The following CTNNA3 variants were observed in gnomAD, a reference collection of about 807,000 sequenced individuals.
CTNNA3 encodes the protein catenin alpha 3.
CTNNA3 carries 76 observed loss-of-function variants against 95.7 expected under a neutral mutation model. That is an observed-to-expected ratio of 0.79 (90% CI 0.66 to 0.96). The LOEUF (loss-of-function observed/expected upper bound fraction) is 0.96, where lower values mean the gene tolerates loss of function less well. Among genes scored for constraint, CTNNA3 ranks in the 40% least tolerant of loss-of-function variants. The pLI is 0.00. For missense variants in CTNNA3, 1,191 were observed against 1,089.8 expected (o/e 1.09, Z -1.31); for synonymous variants, 431 against 374.4 (o/e 1.15, Z -1.74).
intron 5 of CTNNA3, among the ~76,000 whole-genome samples, chr10:67,486,083 A>T (rs763656644): frequency 2.2e-4 from 33 of 152,234 alleles, no homozygotes; most frequent in Middle Eastern, 3.2e-3. Context: ...AGATGTTACA[A>T]CTTAAGCTAT....
chr10:67,645,669 C>A (rs951826192), intron 2 of CTNNA3, among the ~76,000 whole-genome samples: 3 of 151,514 alleles, frequency 2.0e-5, no homozygotes, highest in African/African-American at 7.3e-5. Context: ...TGAAATAATA[C>A]AAATTGATGA....
chr10:66,360,370 A>T (rs1235234569), intron 12 of CTNNA3, among the ~76,000 whole-genome samples: 1 of 152,134 alleles, frequency 6.6e-6, no homozygotes, highest in Non-Finnish European at 1.5e-5. Context: ...AGGAAAGGCA[A>T]TGGCTTAAAG....
chr10:67,620,813 C>T (rs1291096476), intron 2 of CTNNA3, among the ~76,000 whole-genome samples: 1 of 151,552 alleles, frequency 6.6e-6, no homozygotes, highest in East Asian at 1.9e-4. Flanking sequence ...AAAGAAAAAA[C>T]TCATCTGAAA....
chr10:66,856,055 A>G (rs759411681), intron 7 of CTNNA3, among the ~76,000 whole-genome samples: 1 of 151,874 alleles, frequency 6.6e-6, no homozygotes, highest in Non-Finnish European at 1.5e-5. Flanking sequence ...AGTACCAGAT[A>G]GGTAGGTTCT....
chr10:66,213,036 C>G (rs1276093569), intron 13 of CTNNA3, among the ~76,000 whole-genome samples: 1 of 152,078 alleles, frequency 6.6e-6, no homozygotes, highest in African/African-American at 2.4e-5. Flanking sequence ...AAAGAAATGT[C>G]CTTTTTGCCC....
chr10:67,180,364 C>A lies in CTNNA3; in HGVS notation c.1000G>T (p.Ala334Ser). ...HRERIIAECNAIRQALQDLLS... is the reference protein window; with the variant it reads ...HRERIIAECNSIRQALQDLLS... ...AGATCCTGAAGAGCCTGGCGAATGG[C>A]GTTGCATTCTGCGATAATCCGCTCT... Residue 334 changes from alanine to serine, a missense_variant, in exon 7 of 18, where the codon GCC (alanine) becomes TCC (serine). Physicochemically the swap from Ala to Ser is moderately conservative, Grantham distance 99 (BLOSUM62 1). Transcript: ENST00000433211. 1 of 1,613,608 alleles carries A rather than the reference C, an allele frequency of 6.2e-7. No homozygotes were observed.
At chr10:67,329,506 C>A (rs1056036723) in intron 5 of CTNNA3, among the ~76,000 whole-genome samples, 8 of 152,188 alleles carry the variant, frequency 5.3e-5, no homozygotes, top group Non-Finnish European at 1.0e-4. Context: ...GGATCTTCCT[C>A]ATTACTTTAA....
intron 2 of CTNNA3, among the ~76,000 whole-genome samples, chr10:67,644,974 T>G (rs1839659724): frequency 1.3e-5 from 2 of 152,162 alleles, no homozygotes; most frequent in Admixed American, 1.3e-4. Context: ...TCCATTTCTG[T>G]GACTCATCTA....
chr10:66,054,751 T>C (rs1384444133), intron 15 of CTNNA3, among the ~76,000 whole-genome samples: 2 of 152,224 alleles, frequency 1.3e-5, no homozygotes, highest in African/African-American at 4.8e-5. Flanking sequence ...TGTCCATTTA[T>C]TTTCTTTGGT....
intron 13 of CTNNA3, among the ~76,000 whole-genome samples, chr10:66,199,145 T>A (rs1244271098): frequency 6.6e-6 from 1 of 152,110 alleles, no homozygotes; most frequent in African/African-American, 2.4e-5. Flanking sequence ...TGGCACTAGA[T>A]CCTTGGCTTA....
At chr10:67,668,832 C>CTTTTTTTTT (rs869150567) in intron 1 of CTNNA3, among the ~76,000 whole-genome samples, 33 of 90,082 alleles carry the variant, frequency 3.7e-4, no homozygotes, top group East Asian at 7.7e-4. Flanking sequence ...TACTGTGTTT[C>CTTTTTTTTT]TTTTTTTTTT....
intron 9 of CTNNA3, among the ~76,000 whole-genome samples, chr10:66,750,001 T>C (rs993545440): frequency 6.6e-6 from 1 of 152,196 alleles, no homozygotes; most frequent in East Asian, 1.9e-4. Flanking sequence ...TTATTGGACA[T>C]ACGTATATCT....
chr10:66,019,636 G>T (rs973345073), intron 15 of CTNNA3, among the ~76,000 whole-genome samples: 1 of 151,768 alleles, frequency 6.6e-6, no homozygotes, highest in Non-Finnish European at 1.5e-5. Context: ...GTAAACATAG[G>T]ACTACAGAAA....
chr10:66,864,274 G>A (rs1001952892), intron 7 of CTNNA3, among the ~76,000 whole-genome samples: 2 of 152,124 alleles, frequency 1.3e-5, no homozygotes, highest in Non-Finnish European at 2.9e-5. Flanking sequence ...GTTATCACAG[G>A]AGTTGGTTAG....
intron 12 of CTNNA3, among the ~76,000 whole-genome samples, chr10:66,318,637 T>TC (rs1425826246): frequency 2.0e-5 from 3 of 152,054 alleles, no homozygotes; most frequent in Admixed American, 6.6e-5. Flanking sequence ...ATCCCTATTC[T>TC]CCAACAACTA....
chr10:66,480,857 C>A (rs533930979), intron 11 of CTNNA3, among the ~76,000 whole-genome samples: 70 of 152,240 alleles, frequency 4.6e-4, no homozygotes, highest in Non-Finnish European at 9.0e-4. Flanking sequence ...CTCACCTTAG[C>A]CTCCCAAAGT....
intron 9 of CTNNA3, among the ~76,000 whole-genome samples, chr10:66,740,753 A>G (rs1394024021): frequency 6.6e-6 from 1 of 152,216 alleles, no homozygotes. Context: ...GAGTTAGAAG[A>G]TAAGTATGAT....
intron 7 of CTNNA3, among the ~76,000 whole-genome samples, chr10:66,820,585 G>A (rs1158364711): frequency 1.3e-5 from 2 of 150,924 alleles, no homozygotes; most frequent in East Asian, 1.9e-4. Context: ...TTTGCTGAAT[G>A]GCTGAAAAGA....
intron 1 of CTNNA3, among the ~76,000 whole-genome samples, chr10:67,665,322 A>T (rs1840305745): frequency 6.6e-6 from 1 of 152,248 alleles, no homozygotes; most frequent in Non-Finnish European, 1.5e-5. Context: ...TTAAAATTGG[A>T]GCTTTCATAA....
Sources: gnomAD v4.1 joint callset for allele counts (sites outside exome capture counted in the v4.1 genomes callset) on GRCh38, gnomAD v4.1.1 for gene constraint, MANE v1.5 for transcripts, NCBI Gene and HGNC (gene_info 2026-07-23, HGNC 2026-07-21) for gene names.